The following MGAM variants were observed in gnomAD, a reference collection of about 807,000 sequenced individuals.
MGAM encodes maltase-glucoamylase, also known as alpha-1,4-glucosidase.
Under a neutral mutation model 358.8 loss-of-function variants are expected in MGAM, and 253 were observed. That is an observed-to-expected ratio of 0.71 (90% CI 0.64 to 0.78). The LOEUF is 0.78. Among genes scored for constraint, MGAM ranks in the 30% least tolerant of loss-of-function variants. The pLI, the probability that MGAM is intolerant of heterozygous loss-of-function variation, is 0.00. For missense variants in MGAM, 3,080 were observed against 3,432.6 expected, an observed-to-expected ratio of 0.90 and a Z score of 2.57; for synonymous variants, 1,105 against 1,227.1, an observed-to-expected ratio of 0.90 and a Z score of 2.08.
intron 30 of MGAM, among the ~76,000 whole-genome samples, chr7:142,057,736 T>C (rs975821296): frequency 6.6e-5 from 10 of 152,136 alleles, no homozygotes; most frequent in African/African-American, 2.2e-4. Flanking sequence ...TGCGCATCAC[T>C]GATTTATCAC....
intron 29 of MGAM, 76 bp downstream of exon 29, chr7:142,056,172 A>T (rs1278365787): frequency 1.4e-6 from 2 of 1,413,802 alleles, no homozygotes; most frequent in Non-Finnish European, 1.9e-6. Context: ...TGTTTAGCCT[A>T]ACTGTTCCTT....
chr7:142,055,040 T>C lies in MGAM; in HGVS notation c.3314+132T>C, dbSNP rs533052468. On this transcript the variant is annotated intron_variant, in intron 27 of 70. Transcript: ENST00000475668. ...CCAGATCCATGGATGAGTTGTTTCC[T>C]TCAGACCTATTCTTACAGGAAATCT... 12 of 1,050,180 alleles carry C rather than the reference T, an allele frequency of 1.1e-5. No individual in the cohort carries two copies. The African/African-American group carries it at 1.9e-4, about 17-fold the overall frequency. 65.1% of individuals were successfully genotyped at this position (1,050,180 alleles called of 1,614,324 possible). A position where few individuals can be genotyped will look rare whatever the true frequency, so the allele number is the denominator to read the frequency against.
intron 1 of MGAM, among the ~76,000 whole-genome samples, chr7:142,003,533 T>C (rs782289992): frequency 6.6e-6 from 1 of 151,988 alleles, no homozygotes; most frequent in South Asian, 2.1e-4. Flanking sequence ...TCTCTCACCA[T>C]GTACAAAAAT....
At chr7:142,048,802 A>AT (rs1402458087) in intron 22 of MGAM, among the ~76,000 whole-genome samples, 1 of 151,836 alleles carries the variant, frequency 6.6e-6, no homozygotes, top group Non-Finnish European at 1.5e-5. Context: ...TTAAATATTT[A>AT]TTTTTTAATT....
chr7:142,055,860 C>T (rs1394563611), intron 28 of MGAM, 134 bp downstream of exon 28: 5 of 1,471,052 alleles, frequency 3.4e-6, no homozygotes, highest in Admixed American at 4.2e-5. Flanking sequence ...TTCTCAGGCT[C>T]CTTTGTTTCA....
intron 43 of MGAM, 46 bp downstream of exon 43, chr7:142,068,749 G>T: frequency 7.2e-7 from 1 of 1,383,944 alleles, no homozygotes. Context: ...GTGGTAGAGA[G>T]TACAAAGGCT....
chr7:142,065,193 C>A, intron 37 of MGAM, 142 bp from the exon 38 acceptor site: 1 of 1,168,988 alleles, frequency 8.6e-7, no homozygotes. Flanking sequence ...ATCAGTGGAA[C>A]TCCTATTACA....
chr7:142,017,295 C>A (rs1806044202), intron 3 of MGAM, among the ~76,000 whole-genome samples: 1 of 152,110 alleles, frequency 6.6e-6, no homozygotes, highest in African/African-American at 2.4e-5. Context: ...ATTTTGTGTC[C>A]TGGGCCTAAT....
intron 1 of MGAM, among the ~76,000 whole-genome samples, chr7:141,998,766 A>G (rs1191681156): frequency 1.3e-5 from 2 of 152,210 alleles, no homozygotes; most frequent in Non-Finnish European, 2.9e-5. Flanking sequence ...CTTCGGGTAC[A>G]TACCCTGTAA....
At chr7:142,060,421 G>C (rs1182385789) in intron 34 of MGAM, 48 bp downstream of exon 34, 2 of 1,595,490 alleles carry the variant, frequency 1.3e-6, no homozygotes, top group African/African-American at 2.7e-5. Context: ...TTGTAGGCAG[G>C]GGCAGCTGTT....
At chr7:142,061,141 G>A (rs939292296) in intron 34 of MGAM, among the ~76,000 whole-genome samples, 15 of 152,188 alleles carry the variant, frequency 9.9e-5, no homozygotes, top group African/African-American at 3.4e-4. Context: ...GCACCTTGGA[G>A]AACGGCAGAA....
chr7:142,087,889 C>T (rs1814903152), intron 57 of MGAM, among the ~76,000 whole-genome samples: 1 of 146,312 alleles, frequency 6.8e-6, no homozygotes, highest in Non-Finnish European at 1.5e-5. Flanking sequence ...GTTCTTTCTA[C>T]GTAATGTAAG....
chr7:142,097,738 C>A lies in MGAM; in HGVS notation c.7749+89C>A, dbSNP rs988342054. ...TGATAGACCTTAGGTCAAATGCTGG[C>A]TCTGTAACCCACCTGCTGTGTGGTC... On this transcript the variant is annotated intron_variant, in intron 66 of 70. Coordinates refer to ENST00000475668, the MANE Select transcript of MGAM (RefSeq NM_001365693.1). 21 of 1,367,330 alleles carry A rather than the reference C, an allele frequency of 1.5e-5. No individual in the cohort carries two copies. The African/African-American group carries it at 2.6e-4, about 17-fold the overall frequency. The allele number at this position is 1,367,330 out of a possible 1,614,324, so 84.7% of individuals were successfully genotyped here. A position where few individuals can be genotyped will look rare whatever the true frequency, so the allele number is the denominator to read the frequency against.
At chr7:142,104,088 G>A (rs1321979041) in intron 70 of MGAM, among the ~76,000 whole-genome samples, 1 of 152,120 alleles carries the variant, frequency 6.6e-6, no homozygotes, top group African/African-American at 2.4e-5. Context: ...TCCTGACCCT[G>A]TGATCCGCCT....
chr7:142,018,257 GT>G (rs1806127008), intron 3 of MGAM, among the ~76,000 whole-genome samples: 1 of 152,236 alleles, frequency 6.6e-6, no homozygotes, highest in East Asian at 1.9e-4. Context: ...AGCTCTTCAG[GT>G]GTTGTTGGAT....
At chr7:142,063,411 A>G in intron 35 of MGAM, 88 bp from the exon 36 acceptor site, 3 of 1,487,122 alleles carry the variant, frequency 2.0e-6, no homozygotes, top group Non-Finnish European at 2.8e-6. Flanking sequence ...CTGGATGTTG[A>G]ACAATTTATT....
At chr7:142,044,817 TG>T in intron 21 of MGAM, among the ~76,000 whole-genome samples, 1 of 71,552 alleles carries the variant, frequency 1.4e-5, no homozygotes, top group East Asian at 3.0e-4. Context: ...TATATACACG[TG>T]TAATATATGA....
chr7:142,058,462 A>T, intron 31 of MGAM, 134 bp downstream of exon 31: 1 of 1,457,628 alleles, frequency 6.9e-7, no homozygotes, highest in South Asian at 1.4e-5. Flanking sequence ...AGTTAGCCTC[A>T]CCCCAGCACA....
rs765176332 is a variant in MGAM at position 142,059,508 on chromosome 7, C to A, written c.3856C>A (p.Gln1286Lys). ...QYSDIDYMER[Q>K]LDFTLSPKFA... is the part of the protein sequence containing the mutation. ...CTCAGACATCGACTACATGGAGCGG[C>A]AGCTGGACTTCACCCTCAGCCCCAA... is the stretch of plus-strand genomic sequence containing the variant. The change falls in exon 32 of 71, where the codon CAG (glutamine) becomes AAG (lysine). Residue 1286 changes from glutamine to lysine, a missense_variant. Around this residue, in one of 5 missense-constraint regions of MGAM, gnomAD observed 1,816 missense variants for 1,840.5 expected, o/e 0.99. Transcript: ENST00000475668. The A allele has an allele frequency of 6.2e-7, 1 of 1,612,386 alleles. No homozygotes were observed. Among genetic ancestry groups the A allele is most frequent in the African/African-American group, 1.3e-5 (1 of 74,862 alleles).
Sources: allele counts gnomAD v4.1 joint callset (sites outside exome capture counted in the v4.1 genomes callset), GRCh38; gene constraint gnomAD v4.1.1; regional missense constraint gnomAD v4.1.1; transcripts MANE v1.5; gene names NCBI Gene and HGNC (gene_info 2026-07-23, HGNC 2026-07-21).